Variants in NR2C2 observed in about 807,000 individuals in gnomAD.
The protein encoded by NR2C2 is Nuclear hormone receptor TR4.
Under a neutral mutation model 62.9 loss-of-function variants are expected in NR2C2, and 6 were observed. The ratio of observed to expected loss-of-function variants is 0.10; its 90% CI spans 0.05 to 0.19. NR2C2 has a LOEUF of 0.19. NR2C2 is among the 10% of genes least tolerant of loss of function. NR2C2 has a pLI of 1.00. For synonymous variants in NR2C2, 272 were observed against 273.8 expected, an observed-to-expected ratio of 0.99 and a Z score of 0.07; for missense variants, 479 against 762.7, an observed-to-expected ratio of 0.63 and a Z score of 4.38.
intron 4 of NR2C2, among the ~76,000 whole-genome samples, chr3:15,019,744 C>G (rs2041617472): frequency 6.6e-6 from 1 of 151,726 alleles, no homozygotes; most frequent in Non-Finnish European, 1.5e-5. Flanking sequence ...ATAATGGCAC[C>G]AAGACTCAGG....
intron 1 of NR2C2, among the ~76,000 whole-genome samples, chr3:14,957,262 T>C (rs2039553400): frequency 6.6e-6 from 1 of 152,002 alleles, no homozygotes; most frequent in South Asian, 2.1e-4. Flanking sequence ...CTCATTCCTA[T>C]TAATGAAGGC....
At chr3:14,967,122 A>T (rs957379446) in intron 1 of NR2C2, among the ~76,000 whole-genome samples, 1 of 152,014 alleles carries the variant, frequency 6.6e-6, no homozygotes, top group African/African-American at 2.4e-5. Flanking sequence ...CATTTCATCT[A>T]AGTTATCTAA....
chr3:15,041,850 CTA>C (rs1351466597), intron 13 of NR2C2, among the ~76,000 whole-genome samples: 1 of 152,154 alleles, frequency 6.6e-6, no homozygotes, highest in African/African-American at 2.4e-5. Flanking sequence ...GAGCAAGACA[CTA>C]TCTCAAAAAA....
At chr3:15,013,144 A>T (rs776591540) in intron 2 of NR2C2, among the ~76,000 whole-genome samples, 1 of 152,064 alleles carries the variant, frequency 6.6e-6, no homozygotes, top group Non-Finnish European at 1.5e-5. Flanking sequence ...TATTCTCTCA[A>T]CCTAAGGCAA....
intron 1 of NR2C2, among the ~76,000 whole-genome samples, chr3:14,961,360 G>A (rs1027091135): frequency 2.0e-5 from 3 of 152,188 alleles, no homozygotes; most frequent in African/African-American, 7.2e-5. Flanking sequence ...TTGTAAAATT[G>A]TATTGCAAGA....
In NR2C2 at chr3:15,016,173, G is replaced by C. The variant is rs1480191835; in HGVS notation, c.295G>C (p.Val99Leu). The C allele has an allele frequency of 3.1e-6, 5 of 1,613,936 alleles. No homozygotes were observed. Among genetic ancestry groups the C allele is most frequent in the East Asian group, 4.5e-5 (2 of 44,896 alleles). ...RIQIVTDSAS[V>L]ERLLGKTDVQ... ...TCAGATTGTCACGGATTCTGCCTCT[G>C]TGGAGCGTTTACTGGGGAAGACGGA... The change falls in exon 4 of 14, where the codon GTG becomes CTG. Residue 99 changes from valine (V) to leucine (L), a missense_variant. Val to Leu is a conservative substitution (Grantham distance 32). Transcript: ENST00000425241.
intron 1 of NR2C2, among the ~76,000 whole-genome samples, chr3:14,973,908 G>A (rs1431939802): frequency 6.6e-6 from 1 of 152,142 alleles, no homozygotes. Flanking sequence ...TCACAAGTCT[G>A]AAATGCATTT....
rs1434376195 is a variant in NR2C2, at chr3:15,013,600, C to T, written c.84C>T (p.Asp28=). 2 of 1,614,036 alleles carry T rather than the reference C, an allele frequency of 1.2e-6. No individual in the cohort carries two copies. The highest frequency in any genetic ancestry group is 1.3e-5 in the African/African-American group (1 of 75,018). The part of the protein sequence containing the change: ...ASPQRIQIVT[D]QQTGQKIQIV... ...GTTGTGTCTTATAGATTGTCACAGA[C>T]CAGCAGACAGGACAGAAAATCCAGA... The change falls in exon 3 of 14, where the codon GAC becomes GAT. Residue 28 remains aspartate, a synonymous_variant. Coordinates refer to ENST00000425241, the MANE Select transcript of NR2C2 (RefSeq NM_001291694.2).
In NR2C2 at chr3:15,044,112, A is replaced by G. The variant is rs1202436707; in HGVS notation, c.*1104A>G. ...GGGCTCGTGTTTCTGCAGCTCCATC[A>G]TAACTGTGAGGCTGGATTGGGGCTG... On this transcript the variant is annotated 3_prime_UTR_variant, in exon 14 of 14. Transcript: ENST00000425241. 2 of 152,244 alleles carry G rather than the reference A, an allele frequency of 1.3e-5. No homozygotes were observed. Among genetic ancestry groups the G allele is most frequent in the Non-Finnish European group, 2.9e-5 (2 of 68,096 alleles). The allele number at this position is 152,244 out of a possible 1,614,324, so 9.4% of individuals were successfully genotyped here. A position where few individuals can be genotyped will look rare whatever the true frequency, so the allele number is the denominator to read the frequency against.
In NR2C2 at chr3:15,010,307, G is replaced by A. The variant is rs1264908725; in HGVS notation, c.73-3282G>A. Reference sequence around the variant, plus strand: ...CTGCATTTTTAGTTTTTTCATGGGCGTGATCTCTCTAAATGGAGGATACGG... The same window carrying A: ...CTGCATTTTTAGTTTTTTCATGGGCATGATCTCTCTAAATGGAGGATACGG... On this transcript the variant is annotated intron_variant, in intron 2 of 13. Transcript: ENST00000425241. Among the ~76,000 whole-genome samples, 9 of 151,196 alleles carry A rather than the reference G, an allele frequency of 6.0e-5. No individual in the cohort carries two copies. In the East Asian group the frequency reaches 9.7e-4, roughly 16 times the overall value.
chr3:15,013,547 T>G, intron 2 of NR2C2, 42 bp from the exon 3 acceptor site: 1 of 1,586,420 alleles, frequency 6.3e-7, no homozygotes, highest in Middle Eastern at 2.0e-4. Context: ...GCATGGGTCT[T>G]GTGACACTCC....
intron 1 of NR2C2, among the ~76,000 whole-genome samples, chr3:14,952,741 A>T (rs570112232): frequency 6.6e-6 from 1 of 152,000 alleles, no homozygotes; most frequent in African/African-American, 2.4e-5. Context: ...AATATGCCAG[A>T]GGCTGAGATT....
chr3:15,028,187 C>T (rs897211026), intron 7 of NR2C2, among the ~76,000 whole-genome samples: 1 of 152,154 alleles, frequency 6.6e-6, no homozygotes, highest in Non-Finnish European at 1.5e-5. Flanking sequence ...ATTGGGTTGT[C>T]TTTTTATTAT....
chr3:15,023,022 A>G (rs1298451640), intron 5 of NR2C2, among the ~76,000 whole-genome samples, 178 bp from the exon 6 acceptor site: 1 of 152,112 alleles, frequency 6.6e-6, no homozygotes, highest in African/African-American at 2.4e-5. Context: ...TAGATTTGAC[A>G]TGGCATGGTT....
Position 15,044,896 on chromosome 3 carries a change from C to T in NR2C2, c.*1888C>T, listed in dbSNP as rs573617874. 6.6e-6 allele frequency: 1 copy of T among 152,362 alleles called. No homozygotes were observed. The highest frequency in any genetic ancestry group is 6.5e-5 in the Admixed American group (1 of 15,304). The allele number at this position is 152,362 out of a possible 1,614,324, so 9.4% of individuals were successfully genotyped here. A position where few individuals can be genotyped will look rare whatever the true frequency, so the allele number is the denominator to read the frequency against. ...GTAGGGTAAGTGGGAACAGTGTTTC[C>T]AACTTCTAAATTCTTGTTTGGATTT... On this transcript the variant is annotated 3_prime_UTR_variant, in exon 14 of 14. Coordinates refer to ENST00000425241, the MANE Select transcript of NR2C2 (RefSeq NM_001291694.2).
chr3:14,999,260 G>T (rs1361484480), intron 1 of NR2C2, among the ~76,000 whole-genome samples: 1 of 151,930 alleles, frequency 6.6e-6, no homozygotes, highest in Non-Finnish European at 1.5e-5. Context: ...AGGTTGCGAT[G>T]AGCCGAGATC....
intron 1 of NR2C2, among the ~76,000 whole-genome samples, chr3:14,956,947 T>C (rs897898172): frequency 3.3e-5 from 5 of 152,252 alleles, no homozygotes; most frequent in African/African-American, 1.2e-4. Flanking sequence ...CAGTTTGAGT[T>C]ACTTTCAGAT....
intron 2 of NR2C2, among the ~76,000 whole-genome samples, chr3:15,009,981 C>T (rs2041303764): frequency 6.6e-6 from 1 of 152,160 alleles, no homozygotes; most frequent in Non-Finnish European, 1.5e-5. Flanking sequence ...TTAGGGCCCA[C>T]CCTAATGCAG....
intron 9 of NR2C2, 150 bp from the exon 10 acceptor site, chr3:15,032,229 G>T (rs565414473): frequency 2.8e-6 from 3 of 1,064,880 alleles, no homozygotes; most frequent in East Asian, 4.8e-5. Flanking sequence ...TGGGGAGTCC[G>T]TGCAAGCCCC....
Sources: allele counts gnomAD v4.1 joint callset (sites outside exome capture counted in the v4.1 genomes callset), GRCh38; gene constraint gnomAD v4.1.1; transcripts MANE v1.5; gene names NCBI Gene and HGNC (gene_info 2026-07-23, HGNC 2026-07-21).